CRACD: variants seen among roughly 807,000 people sequenced by gnomAD.
CRACD encodes capping protein inhibiting regulator of actin dynamics.
A neutral mutation model predicts 106.8 loss-of-function variants in CRACD; 56 were observed. The ratio of observed to expected loss-of-function variants is 0.52; its 90% CI spans 0.42 to 0.66. The LOEUF (loss-of-function observed/expected upper bound fraction) is 0.66, where lower values mean the gene tolerates loss of function less well. Among genes scored for constraint, CRACD ranks in the 30% least tolerant of loss-of-function variants. The pLI, the probability that CRACD is intolerant of heterozygous loss-of-function variation, is 0.00. For synonymous variants in CRACD, 754 were observed against 670.8 expected, an observed-to-expected ratio of 1.12 and a Z score of -1.92; for missense variants, 1,730 against 1,623.2, an observed-to-expected ratio of 1.07 and a Z score of -1.13.
At chr4:56,217,193 G>A (rs1008424009) in intron 2 of CRACD, among the ~76,000 whole-genome samples, 31 of 152,098 alleles carry the variant, frequency 2.0e-4, no homozygotes, top group Middle Eastern at 6.8e-3. Context: ...AAAACTAGAT[G>A]GCTTCAACAA....
At chr4:56,169,903 A>G (rs925578451) in intron 1 of CRACD, among the ~76,000 whole-genome samples, 1 of 152,196 alleles carries the variant, frequency 6.6e-6, no homozygotes, top group African/African-American at 2.4e-5. Flanking sequence ...GTTGAAAATA[A>G]AGAAGCAGAT....
At chr4:56,159,080 G>A (rs774095440) in intron 1 of CRACD, among the ~76,000 whole-genome samples, 8 of 152,148 alleles carry the variant, frequency 5.3e-5, no homozygotes, top group East Asian at 1.9e-4. Flanking sequence ...TTGTGACGAC[G>A]TCTCACCCCT....
At chr4:56,282,068 T>A (rs1240889291) in intron 3 of CRACD, among the ~76,000 whole-genome samples, 2 of 152,180 alleles carry the variant, frequency 1.3e-5, no homozygotes, top group African/African-American at 4.8e-5. Context: ...GCAACTCTAG[T>A]TTGTTTGATG....
chr4:56,267,054 G>A (rs975091283), intron 2 of CRACD, among the ~76,000 whole-genome samples: 12 of 152,102 alleles, frequency 7.9e-5, no homozygotes, highest in Non-Finnish European at 2.9e-5. Context: ...GGAAGTCAAT[G>A]CTAGAAAATT....
Position 56,179,026 on chromosome 4 carries a change from A to G in CRACD, c.-335-258A>G, listed in dbSNP as rs1433951452. ...CTATGTGTAAGCATATGGAAGTCTC[A>G]GTATTCAGGGATGTGATTCTTTTAG... On this transcript the variant is annotated intron_variant, in intron 1 of 10. Transcript: ENST00000682029. Among the ~76,000 whole-genome samples, 4 of 152,218 alleles carry G rather than the reference A, an allele frequency of 2.6e-5. No individual in the cohort carries two copies. In the East Asian group the frequency reaches 7.7e-4, roughly 29 times the overall value.
At chr4:56,064,898 A>G (rs770397155) in intron 1 of CRACD, among the ~76,000 whole-genome samples, 2 of 152,170 alleles carry the variant, frequency 1.3e-5, no homozygotes, top group African/African-American at 4.8e-5. Flanking sequence ...GTATCTGGAC[A>G]TGGACGGGTC....
chr4:56,118,712 C>T (rs1004332789), intron 1 of CRACD, among the ~76,000 whole-genome samples: 4 of 151,820 alleles, frequency 2.6e-5, no homozygotes, highest in African/African-American at 7.3e-5. Context: ...GCCTGGACAA[C>T]ACAGTAAGAC....
At chr4:56,050,523 G>T (rs947772023) in intron 1 of CRACD, among the ~76,000 whole-genome samples, 4 of 152,084 alleles carry the variant, frequency 2.6e-5, no homozygotes, top group African/African-American at 9.7e-5. Context: ...CATTGTTTGT[G>T]ACTCAGGAAT....
intron 2 of CRACD, among the ~76,000 whole-genome samples, chr4:56,190,799 C>G (rs1737335464): frequency 6.6e-6 from 1 of 152,106 alleles, no homozygotes; most frequent in South Asian, 2.1e-4. Flanking sequence ...AGGCAGTGCC[C>G]CAGTGGGGAT....
intron 1 of CRACD, among the ~76,000 whole-genome samples, chr4:56,050,752 G>C (rs1258177376): frequency 1.5e-5 from 2 of 129,192 alleles, no homozygotes; most frequent in African/African-American, 7.1e-5. Flanking sequence ...ACTCAGAAGT[G>C]GGCAGGGAAA....
At chr4:56,326,264 CCG>C (rs1407533064) in intron 10 of CRACD, among the ~76,000 whole-genome samples, 4 of 107,142 alleles carry the variant, frequency 3.7e-5, no homozygotes, top group Non-Finnish European at 6.4e-5. Context: ...TTCTTAAGAA[CCG>C]CAGGCAGGCA....
At chr4:56,085,012 C>T (rs1733165932) in intron 1 of CRACD, among the ~76,000 whole-genome samples, 1 of 152,190 alleles carries the variant, frequency 6.6e-6, no homozygotes, top group Non-Finnish European at 1.5e-5. Context: ...ATTGAGATGT[C>T]TGTGGGTTGC....
chr4:56,106,942 G>A (rs748856093), intron 1 of CRACD, among the ~76,000 whole-genome samples: 11 of 152,156 alleles, frequency 7.2e-5, no homozygotes, highest in Non-Finnish European at 1.0e-4. Context: ...GTGCACATGA[G>A]CATCTGTTAG....
At chr4:56,310,327 GTA>G (rs1316667406) in intron 5 of CRACD, among the ~76,000 whole-genome samples, 2 of 152,176 alleles carry the variant, frequency 1.3e-5, no homozygotes, top group Non-Finnish European at 2.9e-5. Context: ...TGGAGGCCAT[GTA>G]TGAGACACAG....
At chr4:56,130,310 A>T (rs929302842) in intron 1 of CRACD, among the ~76,000 whole-genome samples, 1 of 152,134 alleles carries the variant, frequency 6.6e-6, no homozygotes, top group Non-Finnish European at 1.5e-5. Context: ...CAAATCTAAA[A>T]ATCCTAAATC....
intron 1 of CRACD, among the ~76,000 whole-genome samples, chr4:56,164,385 C>T (rs1391598204): frequency 1.3e-5 from 2 of 152,088 alleles, no homozygotes; most frequent in African/African-American, 2.4e-5. Context: ...CCACCTGCCT[C>T]GGCCTCCCAA....
At chr4:56,135,009 C>T (rs567646686) in intron 1 of CRACD, among the ~76,000 whole-genome samples, 4 of 152,080 alleles carry the variant, frequency 2.6e-5, no homozygotes, top group South Asian at 4.2e-4. Flanking sequence ...TTGGGCCGGG[C>T]GCGGTGACTC....
chr4:56,117,236 T>C (rs1161673535), intron 1 of CRACD, among the ~76,000 whole-genome samples: 1 of 152,062 alleles, frequency 6.6e-6, no homozygotes, highest in Non-Finnish European at 1.5e-5. Flanking sequence ...TTAGCCAGGA[T>C]GGTCTCTATC....
At chr4:56,327,491 AT>A (rs1450617818) in intron 10 of CRACD, among the ~76,000 whole-genome samples, 152 bp from the exon 11 acceptor site, 1 of 152,232 alleles carries the variant, frequency 6.6e-6, no homozygotes, top group Non-Finnish European at 1.5e-5. Context: ...AGATTTAGCT[AT>A]TTCACAATGT....
Sources: allele counts gnomAD v4.1 joint callset (sites outside exome capture counted in the v4.1 genomes callset), GRCh38; gene constraint gnomAD v4.1.1; transcripts MANE v1.5; gene names NCBI Gene and HGNC (gene_info 2026-07-23, HGNC 2026-07-21).